The following DMD variants were observed in gnomAD, a reference collection of about 807,000 sequenced individuals.
DMD encodes the protein dystrophin.
A neutral mutation model predicts 330.1 loss-of-function variants in DMD; 63 were observed. That is an observed-to-expected ratio of 0.19 (90% CI 0.16 to 0.24). The LOEUF is 0.24. Ranked by LOEUF, DMD falls within the 10% of genes least tolerant of loss-of-function variation. DMD has a pLI of 1.00. For synonymous variants in DMD, 1,223 were observed against 959.8 expected, an observed-to-expected ratio of 1.27 and a Z score of -5.07; for missense variants, 3,344 against 2,684.1, an observed-to-expected ratio of 1.25 and a Z score of -5.43.
intron 2 of DMD, among the ~76,000 whole-genome samples, chrX:32,966,849 T>G (rs2092175177): frequency 8.9e-6 from 1 of 111,997 alleles, no homozygotes; most frequent in African/African-American, 3.2e-5. Context: ...GTGATAAACA[T>G]CCTGCAGGGA....
chrX:32,787,936 T>C (rs2148609922), intron 7 of DMD, among the ~76,000 whole-genome samples: 1 of 111,799 alleles, frequency 8.9e-6, no homozygotes. Flanking sequence ...AGCTACTGTT[T>C]CTGGGCTCAT....
chrX:32,334,132 C>T (rs1176285558), intron 41 of DMD, among the ~76,000 whole-genome samples: 20 of 110,811 alleles, frequency 1.8e-4, no homozygotes, highest in Non-Finnish European at 3.0e-4. Flanking sequence ...ATATTTATAA[C>T]CACTATGATC....
intron 2 of DMD, among the ~76,000 whole-genome samples, chrX:32,962,451 A>C (rs956180161): frequency 2.1e-4 from 23 of 111,771 alleles, no homozygotes; most frequent in Non-Finnish European, 4.3e-4. Flanking sequence ...GCATTGGTTG[A>C]GCATAGGGCT....
chrX:33,180,625 G>A (rs1268123921), intron 1 of DMD, among the ~76,000 whole-genome samples: 2 of 111,562 alleles, frequency 1.8e-5, no homozygotes, highest in Non-Finnish European at 3.8e-5. Flanking sequence ...GGTTCCAGGA[G>A]TGGGTGTCTG....
intron 36 of DMD, 47 bp downstream of exon 36, chrX:32,364,535 T>G (rs200196502): frequency 3.1e-5 from 37 of 1,187,441 alleles, no homozygotes; most frequent in Middle Eastern, 4.7e-4. Flanking sequence ...ATGATTGAAG[T>G]AACTGGTGTA....
chrX:32,645,081 A>G lies in DMD; in HGVS notation c.1032T>C (p.Tyr344=). The G allele has an allele frequency of 1.7e-6, 2 of 1,211,667 alleles. No individual in the cohort carries two copies. Among genetic ancestry groups the G allele is most frequent in the Non-Finnish European group, 2.2e-6 (2 of 895,486 alleles). Reference sequence around the variant, plus strand: ...ATAATACTTCTTCTAAAGCTGTTTGATAACGGTCCAGGTTTACTTCACTCT... The same window carrying G: ...ATAATACTTCTTCTAAAGCTGTTTGGTAACGGTCCAGGTTTACTTCACTCT... ...LMESEVNLDR[Y]QTALEEVLSW... The change falls in exon 10 of 79, where the codon TAT becomes TAC. Residue 344 remains tyrosine, a synonymous_variant. Transcript: ENST00000357033.
intron 7 of DMD, among the ~76,000 whole-genome samples, chrX:32,806,040 A>G (rs1413575533): frequency 8.9e-6 from 1 of 111,784 alleles, no homozygotes; most frequent in Non-Finnish European, 1.9e-5. Flanking sequence ...AAGCAAAATA[A>G]CCAGCTAGCA....
chrX:32,383,082 G>T (rs1361277090), intron 33 of DMD, among the ~76,000 whole-genome samples: 1 of 110,456 alleles, frequency 9.1e-6, no homozygotes, highest in Non-Finnish European at 1.9e-5. Context: ...GGGGTTATAG[G>T]TATTATTACA....
chrX:31,341,917 ACACG>A (rs2057793478), intron 61 of DMD, among the ~76,000 whole-genome samples: 2 of 108,779 alleles, frequency 1.8e-5, no homozygotes, highest in South Asian at 7.9e-4. Flanking sequence ...ACACACACAC[ACACG>A]CATGTACACA....
At chrX:31,320,715 T>C (rs1601844286) in intron 62 of DMD, among the ~76,000 whole-genome samples, 1 of 112,362 alleles carries the variant, frequency 8.9e-6, no homozygotes, top group African/African-American at 3.2e-5. Flanking sequence ...ACAATGTTCA[T>C]TTTATAAACA....
At chrX:31,767,366 T>A (rs941503068) in intron 51 of DMD, among the ~76,000 whole-genome samples, 3 of 111,485 alleles carry the variant, frequency 2.7e-5, no homozygotes, top group Non-Finnish European at 3.8e-5. Flanking sequence ...AAACCATGTT[T>A]GCTTTGTTTT....
In DMD at chrX:33,009,090, A is replaced by G. The variant is rs1271811045; in HGVS notation, c.93+11049T>C. 4.9e-5 allele frequency among the ~76,000 whole-genome samples: 2 copies of G among 40,867 alleles called. 1 individual carries two copies. The highest frequency in any genetic ancestry group is 1.0e-4 in the Non-Finnish European group (2 of 20,064). The allele number at this position is 40,867 out of a possible 115,157, so 35.5% of individuals were successfully genotyped here. A position where few individuals can be genotyped will look rare whatever the true frequency, so the allele number is the denominator to read the frequency against. ...CACACATATACATATATGTGTATAT[A>G]TACGTATATATGTATATATATGTGT... On this transcript the variant is annotated intron_variant, in intron 2 of 78. Transcript: ENST00000357033.
At chrX:33,166,049 A>T (rs1472029491) in intron 1 of DMD, among the ~76,000 whole-genome samples, 1 of 111,439 alleles carries the variant, frequency 9.0e-6, no homozygotes, top group Non-Finnish European at 1.9e-5. Context: ...TTCTGAACTG[A>T]TTGGAAAGGA....
intron 7 of DMD, among the ~76,000 whole-genome samples, chrX:32,735,497 A>G (rs771828040): frequency 5.3e-4 from 59 of 111,465 alleles, no homozygotes; most frequent in African/African-American, 1.8e-3. Flanking sequence ...GAGGCATCAC[A>G]CTACCTGACT....
intron 7 of DMD, among the ~76,000 whole-genome samples, chrX:32,772,694 T>C (rs1187937513): frequency 9.0e-6 from 1 of 111,191 alleles, no homozygotes; most frequent in Non-Finnish European, 1.9e-5. Flanking sequence ...TGAACTAATA[T>C]ATCACTCCCT....
intron 44 of DMD, among the ~76,000 whole-genome samples, chrX:32,167,080 G>A (rs768258897): frequency 1.8e-5 from 2 of 111,453 alleles, no homozygotes; most frequent in South Asian, 3.8e-4. Context: ...TTTTCTGACC[G>A]GGTTCACTTC....
intron 43 of DMD, among the ~76,000 whole-genome samples, chrX:32,266,649 A>T (rs2097345710): frequency 8.9e-6 from 1 of 111,875 alleles, no homozygotes; most frequent in Non-Finnish European, 1.9e-5. Flanking sequence ...ATATATTTTC[A>T]TATGTTGTAC....
intron 1 of DMD, among the ~76,000 whole-genome samples, chrX:33,102,947 G>A (rs147334667): frequency 9.9e-4 from 111 of 111,683 alleles, no homozygotes; most frequent in Admixed American, 4.0e-3. Flanking sequence ...GCATATAAGC[G>A]AATTAAAGTA....
At position 31,756,323 on chromosome X, in the gene DMD, T is replaced by A. The variant is rs72626003; in HGVS notation, c.7542+17637A>T. On this transcript the variant is annotated intron_variant, in intron 51 of 78. Transcript: ENST00000357033. ...TCATAATAAAGCCTATTTTAATGTA[T>A]CATTTTTCCTAAGCAAATCCATTTC... 7.1e-5 allele frequency among the ~76,000 whole-genome samples: 8 copies of A among 112,525 alleles called. No individual in the cohort carries two copies. In the East Asian group the frequency reaches 2.0e-3, roughly 28 times the overall value.
Sources: allele counts gnomAD v4.1 joint callset (sites outside exome capture counted in the v4.1 genomes callset), GRCh38; gene constraint gnomAD v4.1.1; transcripts MANE v1.5; gene names NCBI Gene and HGNC (gene_info 2026-07-23, HGNC 2026-07-21).